Variants in AURKAIP1 observed in about 807,000 individuals in gnomAD.
AURKAIP1 encodes the protein small ribosomal subunit protein bS22, mitochondrial.
AURKAIP1 carries 20 observed loss-of-function variants against 18.4 expected under a neutral mutation model. That is an observed-to-expected ratio of 1.09 (90% CI 0.77 to 1.58). The LOEUF is 1.58. AURKAIP1 is among the 40% of genes most tolerant of loss of function. The pLI is 0.00. For missense variants in AURKAIP1, 319 were observed against 270.7 expected, an observed-to-expected ratio of 1.18 and a Z score of -1.25; for synonymous variants, 156 against 120.8, an observed-to-expected ratio of 1.29 and a Z score of -1.91.
intron 2 of AURKAIP1, 26 bp downstream of exon 2, chr1:1,374,679 C>T: frequency 6.4e-7 from 1 of 1,552,726 alleles, no homozygotes; most frequent in Non-Finnish European, 8.7e-7. Context: ...GTGCATCCTC[C>T]CATCCGCCCC....
At chr1:1,374,848 G>T in intron 1 of AURKAIP1, 58 bp from the exon 2 acceptor site, 1 of 1,257,128 alleles carries the variant, frequency 8.0e-7, no homozygotes, top group Non-Finnish European at 1.1e-6. Flanking sequence ...TCGCGGGCGG[G>T]CCGGGACTGG....
chr1:1,374,730 C>T lies in AURKAIP1; in HGVS notation c.27G>A (p.Gln9=). Residue 9 remains glutamine, a synonymous_variant, in exon 2 of 4, where the codon CAG becomes CAA. Transcript: ENST00000338338. MLLGRLTS[Q]LLRAVPWAGG... is the part of the protein sequence containing the mutation. ...CTGCCCAAGGAACGGCCCTCAACAG[C>T]TGGGAAGTCAGGCGCCCCAGGAGCA... The T allele has an allele frequency of 6.4e-7, 1 of 1,561,432 alleles. No homozygotes were observed. Among genetic ancestry groups the T allele is most frequent in the Non-Finnish European group, 8.7e-7 (1 of 1,153,126 alleles).
At position 1,374,274 on chromosome 1, in the gene AURKAIP1, T is replaced by G; in HGVS notation, c.224A>C (p.Glu75Ala). ...VPRKMSVSPL[E>A]SWLTARCFLP... ...GAAGCAGCGGGCCGTGAGCCAGCTC[T>G]CCAGGGGGCTGACGGACATCTTCCT... The change falls in exon 3 of 4, where the codon GAG becomes GCG. Residue 75 changes from glutamate (E) to alanine (A), a missense_variant. Transcript: ENST00000338338. 6.2e-7 allele frequency: 1 copy of G among 1,600,078 alleles called. No homozygotes were observed. The highest frequency in any genetic ancestry group is 1.1e-5 in the South Asian group (1 of 90,810).
rs902274544 is a variant in AURKAIP1 at position 1,373,777 on chromosome 1, C to T, written c.*24G>A. The stretch of plus-strand genomic sequence containing the variant: ...TTATTACTACGGATCACAGCAGCAA[C>T]GGGCGGGAAGGGCGGCGCCAGACTC... On this transcript the variant is annotated 3_prime_UTR_variant, in exon 4 of 4. Coordinates refer to ENST00000338338, the MANE Select transcript of AURKAIP1 (RefSeq NM_017900.3). 1.3e-5 allele frequency: 20 copies of T among 1,581,934 alleles called. No homozygotes were observed. In the Admixed American group the frequency reaches 1.6e-4, roughly 13 times the overall value.
rs1644326666 is a variant in AURKAIP1 at position 1,374,370 on chromosome 1, G to T, written c.128C>A (p.Ala43Asp). Residue 43 changes from alanine to aspartate, a missense_variant, in exon 3 of 4, where the codon GCC becomes GAC. Physicochemically the swap from Ala to Asp is moderately radical, Grantham distance 126 (BLOSUM62 -2). Coordinates refer to ENST00000338338, the MANE Select transcript of AURKAIP1 (RefSeq NM_017900.3). ...VCGPLYSTSP[A>D]GPGRAASLPR... ...GAGAGAGGCCGCCCTACCTGGGCCG[G>T]CCGGCGATGTGCTGTAAAGGGGCCC... is the stretch of plus-strand genomic sequence containing the variant. 2.6e-6 allele frequency: 4 copies of T among 1,516,946 alleles called. No individual in the cohort carries two copies. The East Asian group carries it at 9.1e-5, about 35-fold the overall frequency. 94.0% of individuals were successfully genotyped at this position (1,516,946 alleles called of 1,614,324 possible).
In AURKAIP1 at chr1:1,374,406, C is replaced by T; in HGVS notation, c.92G>A (p.Ser31Asn). The stretch of plus-strand genomic sequence containing the variant: ...GCTGTAAAGGGGCCCGCAGACCCGG[C>T]TGCCCAGCACTCCAGAGACGGGCCA... ...PPWPVSGVLG[S>N]RVCGPLYSTS... is the part of the protein sequence containing the mutation. Residue 31 changes from serine (S) to asparagine (N), a missense_variant, in exon 3 of 4, where the codon AGC becomes AAC. By Grantham distance (46) the Ser-to-Asn change is conservative. Coordinates refer to ENST00000338338, the MANE Select transcript of AURKAIP1 (RefSeq NM_017900.3). 6.8e-7 allele frequency: 1 copy of T among 1,466,416 alleles called. No individual in the cohort carries two copies. The highest frequency in any genetic ancestry group is 9.0e-7 in the Non-Finnish European group (1 of 1,115,332). 90.8% of individuals were successfully genotyped at this position (1,466,416 alleles called of 1,614,324 possible). A position where few individuals can be genotyped will look rare whatever the true frequency, so the allele number is the denominator to read the frequency against.
chr1:1,373,853 T>C lies in AURKAIP1; in HGVS notation c.548A>G (p.Lys183Arg). 1 of 1,606,138 alleles carries C rather than the reference T, an allele frequency of 6.2e-7. No individual in the cohort carries two copies. The highest frequency in any genetic ancestry group is 8.5e-7 in the Non-Finnish European group (1 of 1,179,960). ...GGTCTGCCAGCCTTCGGGGGCTTCC[T>C]TTAGCCCCGCCTTCAGCCAGATGCG... The part of the protein sequence containing the change: ...LRRIWLKAGL[K>R]EAPEGWQTPK... Residue 183 changes from lysine to arginine, a missense_variant, in exon 4 of 4, where the codon AAG becomes AGG. Physicochemically the swap from Lys to Arg is conservative, Grantham distance 26. Transcript: ENST00000338338.
chr1:1,373,741 C>T lies in AURKAIP1; in HGVS notation c.*60G>A, dbSNP rs531432603. On this transcript the variant is annotated 3_prime_UTR_variant, in exon 4 of 4. Coordinates refer to ENST00000338338, the MANE Select transcript of AURKAIP1 (RefSeq NM_017900.3). Reference sequence around the variant, plus strand: ...TCCAGACCCGCAGGAAAGGCTGAGTCCTCTGAGAATTTATTACTACGGATC... The same window carrying T: ...TCCAGACCCGCAGGAAAGGCTGAGTTCTCTGAGAATTTATTACTACGGATC... 3.7e-4 allele frequency: 538 copies of T among 1,469,702 alleles called. 3 individuals carry two copies. The East Asian group carries it at 0.011, about 30-fold the overall frequency. The allele number at this position is 1,469,702 out of a possible 1,614,324, so 91.0% of individuals were successfully genotyped here.
rs777443288 is a variant in AURKAIP1, at chr1:1,374,031, T to C, written c.467A>G (p.Lys156Arg). ...GCGTCTCAGGCGTCCCTCCTGGACC[T>C]TCCTCCGCAGGAACCGCGTCTTCTT... ...LVKKTRFLRR[K>R]VQEGRLRRKQ... Residue 156 changes from lysine (K) to arginine (R), a missense_variant, in exon 3 of 4, where the codon AAG (lysine) becomes AGG (arginine). Physicochemically the swap from Lys to Arg is conservative, Grantham distance 26. Coordinates refer to ENST00000338338, the MANE Select transcript of AURKAIP1 (RefSeq NM_017900.3). 1 of 1,607,194 alleles carries C rather than the reference T, an allele frequency of 6.2e-7. No homozygotes were observed. Among genetic ancestry groups the C allele is most frequent in the Admixed American group, 1.7e-5 (1 of 59,780 alleles).
intron 1 of AURKAIP1, 55 bp from the exon 2 acceptor site, chr1:1,374,845 C>T (rs1190664680): frequency 2.4e-5 from 31 of 1,289,824 alleles, no homozygotes; most frequent in East Asian, 5.4e-5. Context: ...TAGTCGCGGG[C>T]GGGCCGGGAC....
chr1:1,374,121 T>C lies in AURKAIP1; in HGVS notation c.377A>G (p.Gln126Arg). The C allele has an allele frequency of 6.2e-7, 1 of 1,613,696 alleles. No homozygotes were observed. Among genetic ancestry groups the C allele is most frequent in the East Asian group, 2.2e-5 (1 of 44,874 alleles). ...DEGVADAPQI[Q>R]CKNVLKIRRR... ...GCGGATCTTCAGCACGTTTTTGCACTGAATTTGAGGCGCATCCGCGACGCC... is the reference window on the plus strand; with the variant it reads ...GCGGATCTTCAGCACGTTTTTGCACCGAATTTGAGGCGCATCCGCGACGCC... Residue 126 changes from glutamine to arginine, a missense_variant, in exon 3 of 4, where the codon CAG becomes CGG. Transcript: ENST00000338338.
At chr1:1,374,573 C>T (rs999441880) in intron 2 of AURKAIP1, 128 bp from the exon 3 acceptor site, 101 of 1,384,074 alleles carry the variant, frequency 7.3e-5, no homozygotes, top group Non-Finnish European at 9.8e-5. Context: ...CTGAGGTTCC[C>T]TCTGTGAGCA....
rs1644331691 is a variant in AURKAIP1 at position 1,374,748 on chromosome 1, C to T, written c.9G>A (p.Leu3=). ...TCAACAGCTGGGAAGTCAGGCGCCC[C>T]AGGAGCATGGTCTGTGGGCGGCGGC... The part of the protein sequence containing the change: ML[L]GRLTSQLLRA... The change falls in exon 2 of 4, where the codon CTG becomes CTA. Residue 3 remains leucine (L), a synonymous_variant. Transcript: ENST00000338338. The T allele has an allele frequency of 1.9e-6, 3 of 1,559,560 alleles. No homozygotes were observed. The highest frequency in any genetic ancestry group is 2.6e-6 in the Non-Finnish European group (3 of 1,152,306).
rs368202994 is a variant in AURKAIP1 at position 1,374,046 on chromosome 1, C to T, written c.452G>A (p.Arg151Gln). 7 of 1,607,294 alleles carry T rather than the reference C, an allele frequency of 4.4e-6. No homozygotes were observed. The highest frequency in any genetic ancestry group is 2.7e-5 in the African/African-American group (2 of 74,816). ...HKYRKLVKKT[R>Q]FLRRKVQEGR... ...CTCCTGGACCTTCCTCCGCAGGAACCGCGTCTTCTTCACCAGCTTCCGGTA... is the reference window on the plus strand; with the variant it reads ...CTCCTGGACCTTCCTCCGCAGGAACTGCGTCTTCTTCACCAGCTTCCGGTA... The change falls in exon 3 of 4, where the codon CGG (arginine) becomes CAG (glutamine). Residue 151 changes from arginine (R) to glutamine (Q), a missense_variant. Physicochemically the swap from Arg to Gln is conservative, Grantham distance 43. Coordinates refer to ENST00000338338, the MANE Select transcript of AURKAIP1 (RefSeq NM_017900.3).
intron 1 of AURKAIP1, 133 bp downstream of exon 1, chr1:1,375,021 C>T (rs893186653): frequency 2.7e-5 from 11 of 414,398 alleles, no homozygotes; most frequent in South Asian, 1.6e-4. Context: ...ACGGGGAGGC[C>T]GGCCCCCTCC....
intron 2 of AURKAIP1, 82 bp from the exon 3 acceptor site, chr1:1,374,527 C>A: frequency 2.9e-6 from 4 of 1,369,568 alleles, no homozygotes; most frequent in Non-Finnish European, 3.9e-6. Context: ...TTCGTCCCAG[C>A]GAGGATCCCC....
chr1:1,374,846 GGGCC>G, intron 1 of AURKAIP1, 56 bp from the exon 2 acceptor site: 3 of 1,286,374 alleles, frequency 2.3e-6, no homozygotes, highest in Non-Finnish European at 3.2e-6. Flanking sequence ...AGTCGCGGGC[GGGCC>G]GGGACTGGGG....
At chr1:1,374,535 C>A in intron 2 of AURKAIP1, 90 bp from the exon 3 acceptor site, 1 of 1,354,838 alleles carries the variant, frequency 7.4e-7, no homozygotes, top group Non-Finnish European at 9.9e-7. Flanking sequence ...AGCGAGGATC[C>A]CCCGCACCTC....
intron 2 of AURKAIP1, 92 bp downstream of exon 2, chr1:1,374,613 T>G: frequency 7.0e-7 from 1 of 1,427,502 alleles, no homozygotes; most frequent in South Asian, 1.2e-5. Flanking sequence ...AGAGTGTGTG[T>G]GTGGCCACCG....
Sources: allele counts gnomAD v4.1 joint callset, GRCh38; gene constraint gnomAD v4.1.1; transcripts MANE v1.5; gene names NCBI Gene and HGNC (gene_info 2026-07-23, HGNC 2026-07-21).